Variants in MPHOSPH9 observed in about 807,000 individuals in gnomAD.
MPHOSPH9 encodes M-phase phosphoprotein 9.
A neutral mutation model predicts 145.5 loss-of-function variants in MPHOSPH9; 88 were observed. That is an observed-to-expected ratio of 0.60 (90% CI 0.51 to 0.72). The LOEUF is 0.72. Ranked by LOEUF, MPHOSPH9 falls within the 30% of genes least tolerant of loss-of-function variation. The pLI, the probability that MPHOSPH9 is intolerant of heterozygous loss-of-function variation, is 0.00. For missense variants in MPHOSPH9, 1,238 were observed against 1,386.6 expected (o/e 0.89, Z 1.70); for synonymous variants, 435 against 486.2 (o/e 0.89, Z 1.39).
chr12:123,154,144 C>T (rs2043817906), downstream of MPHOSPH9: 1 of 151,854 alleles, frequency 6.6e-6, no homozygotes, highest in African/African-American at 2.4e-5. Flanking sequence ...CAGATCCAGG[C>T]ATCAGGGGAG....
intron 8 of MPHOSPH9, among the ~76,000 whole-genome samples, chr12:123,208,959 G>T (rs747574622): frequency 6.6e-6 from 1 of 152,130 alleles, no homozygotes; most frequent in African/African-American, 2.4e-5. Context: ...CTGAGGCGGA[G>T]TCTCGCTCTG....
chr12:123,203,204 A>C, intron 9 of MPHOSPH9, 46 bp downstream of exon 9: 1 of 1,605,274 alleles, frequency 6.2e-7, no homozygotes, highest in Non-Finnish European at 8.5e-7. Context: ...AGTTAGAGTC[A>C]GGAAGCATTG....
intron 8 of MPHOSPH9, among the ~76,000 whole-genome samples, chr12:123,207,675 G>A (rs908845664): frequency 6.6e-6 from 1 of 151,954 alleles, no homozygotes; most frequent in Non-Finnish European, 1.5e-5. Context: ...CCAACATGGT[G>A]AAACCCTGTC....
chr12:123,221,795 T>C lies in MPHOSPH9; in HGVS notation c.449A>G (p.Glu150Gly). Residue 150 changes from glutamate to glycine, a missense_variant, in exon 5 of 24, where the codon GAA becomes GGA. Physicochemically the swap from Glu to Gly is moderately conservative, Grantham distance 98 (BLOSUM62 -2). Coordinates refer to ENST00000606320, the MANE Select transcript of MPHOSPH9 (RefSeq NM_022782.4). ...GNSSNKQVSSESQMGFFSLSS... is the reference protein window; with the variant it reads ...GNSSNKQVSSGSQMGFFSLSS... ...TAGAGAAAAAAAACCCATTTGACTT[T>C]CCGAAGATACTTGTTTGTTTGAAGA... The C allele has an allele frequency of 6.2e-7, 1 of 1,614,118 alleles. No individual in the cohort carries two copies. Among genetic ancestry groups the C allele is most frequent in the Non-Finnish European group, 8.5e-7 (1 of 1,180,028 alleles).
chr12:123,227,836 T>G (rs1458224714), intron 2 of MPHOSPH9, among the ~76,000 whole-genome samples: 1 of 152,178 alleles, frequency 6.6e-6, no homozygotes, highest in Non-Finnish European at 1.5e-5. Flanking sequence ...CAAGAAGACC[T>G]TCTCCAGAAG....
intron 11 of MPHOSPH9, 123 bp from the exon 12 acceptor site, chr12:123,198,457 C>A (rs1182636336): frequency 1.3e-6 from 1 of 752,814 alleles, no homozygotes; most frequent in Non-Finnish European, 2.1e-6. Flanking sequence ...AACTAAGACT[C>A]AGGATGCCAT....
intron 1 of MPHOSPH9, among the ~76,000 whole-genome samples, chr12:123,239,770 T>C (rs909216086): frequency 6.6e-6 from 1 of 151,924 alleles, no homozygotes; most frequent in Non-Finnish European, 1.5e-5. Context: ...ACATTTTTTA[T>C]TTTTTTTTCC....
At chr12:123,216,000 G>A (rs370759709) in intron 6 of MPHOSPH9, among the ~76,000 whole-genome samples, 1 of 152,110 alleles carries the variant, frequency 6.6e-6, no homozygotes, top group Non-Finnish European at 1.5e-5. Context: ...CACTTTGGGA[G>A]GCCAAGGCGG....
chr12:123,242,789 C>T (rs1001135782), intron 1 of MPHOSPH9, among the ~76,000 whole-genome samples: 4 of 152,166 alleles, frequency 2.6e-5, no homozygotes, highest in East Asian at 1.9e-4. Flanking sequence ...CTGGGAGTCT[C>T]GCCTTGCCTT....
chr12:123,184,064 G>C (rs145882660), intron 13 of MPHOSPH9, among the ~76,000 whole-genome samples: 227 of 152,042 alleles, frequency 1.5e-3, no homozygotes, highest in Middle Eastern at 3.4e-3. Context: ...AAATTAGCCA[G>C]GTCTGGTGGC....
At position 123,221,721 on chromosome 12, in the gene MPHOSPH9, G is replaced by A. The variant is rs748150816; in HGVS notation, c.523C>T (p.Pro175Ser). The A allele has an allele frequency of 1.5e-5, 24 of 1,614,050 alleles. No individual in the cohort carries two copies. In the South Asian group the frequency reaches 2.6e-4, roughly 18 times the overall value. The change falls in exon 5 of 24, where the codon CCT becomes TCT. Residue 175 changes from proline (P) to serine (S), a missense_variant. Around this residue, in one of 3 missense-constraint regions of MPHOSPH9, gnomAD observed 837 missense variants for 897.5 expected, o/e 0.93. Transcript: ENST00000606320. Reference protein sequence around the residue: ...SVIHYPESTEPEIQQEMSTSQ... With the variant: ...SVIHYPESTESEIQQEMSTSQ... ...GTGGACATTTCTTGCTGTATTTCAG[G>A]TTCTGTGGATTCAGGATAATGGATA...
In MPHOSPH9 at chr12:123,181,162, C is replaced by A. The variant is rs770394662; in HGVS notation, c.2289+1G>T. 3.7e-6 allele frequency: 6 copies of A among 1,610,772 alleles called. No homozygotes were observed. The highest frequency in any genetic ancestry group is 1.6e-4 in the Middle Eastern group (1 of 6,080). ...CTAGAACATGAACCATTACCCCTTA[C>A]CTTTACTCTCCTGTGTTCTTTTCCA... On this transcript the variant is annotated splice_donor_variant, in intron 14 of 23. Coordinates refer to ENST00000606320, the MANE Select transcript of MPHOSPH9 (RefSeq NM_022782.4). LOFTEE classifies it high-confidence loss of function.
intron 22 of MPHOSPH9, 106 bp downstream of exon 22, chr12:123,161,029 AT>A: frequency 7.1e-7 from 1 of 1,417,944 alleles, no homozygotes; most frequent in Non-Finnish European, 9.6e-7. Context: ...CTGGTATGTT[AT>A]CCCATTGTAA....
downstream of MPHOSPH9, chr12:123,154,088 G>A (rs2043817392): frequency 6.6e-6 from 1 of 152,158 alleles, no homozygotes; most frequent in African/African-American, 2.4e-5. Context: ...CCATACCTCA[G>A]GAGTAGCTCC....
chr12:123,234,280 T>C (rs1445436448), upstream of MPHOSPH9, among the ~76,000 whole-genome samples: 1 of 152,112 alleles, frequency 6.6e-6, no homozygotes, highest in South Asian at 2.1e-4. Flanking sequence ...CACTTAGGCC[T>C]CCACAACCCA....
Position 123,156,910 on chromosome 12 carries a change from T to C in MPHOSPH9, c.3451-2A>G. 1.3e-6 allele frequency: 2 copies of C among 1,598,044 alleles called. No homozygotes were observed. Among genetic ancestry groups the C allele is most frequent in the South Asian group, 2.2e-5 (2 of 89,374 alleles). Reference sequence around the variant, plus strand: ...TTCCAAACGATCTTCCAAGGCTTCCTAGGTGAAAACAATGGGAAAAGTTTA... The same window carrying C: ...TTCCAAACGATCTTCCAAGGCTTCCCAGGTGAAAACAATGGGAAAAGTTTA... On this transcript the variant is annotated splice_acceptor_variant, in intron 23 of 23. Coordinates refer to ENST00000606320, the MANE Select transcript of MPHOSPH9 (RefSeq NM_022782.4). LOFTEE classifies it high-confidence loss of function.
At position 123,163,083 on chromosome 12, in the gene MPHOSPH9, C is replaced by G. The variant is rs144379839; in HGVS notation, c.2960G>C (p.Arg987Pro). Residue 987 changes from arginine (R) to proline (P), a missense_variant, in exon 20 of 24, where the codon CGA becomes CCA. Physicochemically the swap from Arg to Pro is moderately radical, Grantham distance 103. Transcript: ENST00000606320. ...TGGGGACAAGTTTTCTTTAGGGGATCGCTTTGGACTATAAGCCACAGTCAC... is the reference window on the plus strand; with the variant it reads ...TGGGGACAAGTTTTCTTTAGGGGATGGCTTTGGACTATAAGCCACAGTCAC... Reference protein sequence around the residue: ...TPVTVAYSPKRSPKENLSPGF... With the variant: ...TPVTVAYSPKPSPKENLSPGF... The G allele has an allele frequency of 3.1e-6, 5 of 1,594,162 alleles. No homozygotes were observed. The highest frequency in any genetic ancestry group is 4.3e-6 in the Non-Finnish European group (5 of 1,174,142).
chr12:123,173,467 G>C (rs12368208), intron 16 of MPHOSPH9, among the ~76,000 whole-genome samples: 1 of 152,086 alleles, frequency 6.6e-6, no homozygotes, highest in Non-Finnish European at 1.5e-5. Context: ...ACTCTTGTTC[G>C]AATCAGAGAG....
rs572990094 is a variant in MPHOSPH9, at chr12:123,182,624, A to G, written c.2242-1414T>C. On this transcript the variant is annotated intron_variant, in intron 13 of 23. Transcript: ENST00000606320. ...AAAGTCTTTATTTAAAAATATATAT[A>G]TGTGAGGCTGGGCATGGTGGCTCAT... is the stretch of plus-strand genomic sequence containing the variant. 1.1e-4 allele frequency among the ~76,000 whole-genome samples: 16 copies of G among 150,066 alleles called. No individual in the cohort carries two copies. In the South Asian group the frequency reaches 2.6e-3, roughly 25 times the overall value.
Sources: allele counts gnomAD v4.1 joint callset (sites outside exome capture counted in the v4.1 genomes callset), GRCh38; gene constraint gnomAD v4.1.1; regional missense constraint gnomAD v4.1.1; transcripts MANE v1.5; gene names NCBI Gene and HGNC (gene_info 2026-07-23, HGNC 2026-07-21).